TAF15: variants seen among roughly 807,000 people sequenced by gnomAD.
TAF15 encodes TATA-binding protein-associated factor 2N.
In TAF15, 37 loss-of-function variants were observed where a neutral mutation model predicts 102.5. That is an observed-to-expected ratio of 0.36 (90% confidence interval 0.28 to 0.47). TAF15 has a LOEUF of 0.47. TAF15 is among the 20% of genes least tolerant of loss of function. The probability of loss-of-function intolerance (pLI) is 0.99; values close to 1 mark genes in which losing one functional copy is unlikely to be tolerated. For missense variants in TAF15, 652 were observed against 760.7 expected (o/e 0.86, Z 1.68); for synonymous variants, 273 against 259.2 (o/e 1.05, Z -0.51).
At chr17:35,823,926 C>T in intron 6 of TAF15, 152 bp from the exon 7 acceptor site, 1 of 960,262 alleles carries the variant, frequency 1.0e-6, no homozygotes, top group Non-Finnish European at 1.6e-6. Context: ...ACATGTAATT[C>T]CAGATGATTT....
chr17:35,816,573 T>C (rs1337315497), intron 1 of TAF15: 1 of 152,198 alleles, frequency 6.6e-6, no homozygotes, highest in East Asian at 1.9e-4. Context: ...TTGAGTGAGG[T>C]TGGGCCTGAT....
chr17:35,839,370 CTTTTTTTT>C (rs562461506), intron 11 of TAF15, among the ~76,000 whole-genome samples: 6 of 52,414 alleles, frequency 1.1e-4, no homozygotes, highest in Admixed American at 5.2e-4. Context: ...AAGAAATAGA[CTTTTTTTT>C]TTTTTTTTTT....
intron 15 of TAF15, 52 bp downstream of exon 15, chr17:35,845,090 G>A: frequency 6.2e-7 from 1 of 1,608,532 alleles, no homozygotes; most frequent in Non-Finnish European, 8.5e-7. Flanking sequence ...CACCTAGATT[G>A]GGGGATTTGA....
intron 11 of TAF15, among the ~76,000 whole-genome samples, chr17:35,840,168 A>G (rs962445015): frequency 3.3e-5 from 5 of 151,178 alleles, no homozygotes; most frequent in African/African-American, 1.2e-4. Flanking sequence ...ACTATGCTGG[A>G]TTGACAAACA....
At chr17:35,831,592 T>A (rs1423209211) in intron 7 of TAF15, among the ~76,000 whole-genome samples, 2 of 152,156 alleles carry the variant, frequency 1.3e-5, no homozygotes, top group Non-Finnish European at 2.9e-5. Context: ...TGAAATTGCA[T>A]GTTTTCCATC....
chr17:35,831,604 A>G (rs910100352), intron 7 of TAF15, among the ~76,000 whole-genome samples: 1 of 152,108 alleles, frequency 6.6e-6, no homozygotes, highest in African/African-American at 2.4e-5. Context: ...TTTTCCATCC[A>G]TTGTGGCCAG....
chr17:35,810,115 A>G lies in TAF15; in HGVS notation c.7+539A>G, dbSNP rs1233503663. 7 of 196,922 alleles carry G rather than the reference A, an allele frequency of 3.6e-5. No individual in the cohort carries two copies. In the Admixed American group the frequency reaches 3.8e-4, roughly 11 times the overall value. The allele number at this position is 196,922 out of a possible 1,614,324, so 12.2% of individuals were successfully genotyped here. On this transcript the variant is annotated intron_variant, in intron 1 of 15. Coordinates refer to ENST00000605844, the MANE Select transcript of TAF15 (RefSeq NM_139215.3). ...CTTTCAAAGGACGTTGCCTTACACG[A>G]AATCGTACTTATCGTTATTCACTCT... is the stretch of plus-strand genomic sequence containing the variant.
At chr17:35,844,001 T>C (rs4251779) in intron 12 of TAF15, 76 bp from the exon 13 acceptor site, 18 of 1,294,400 alleles carry the variant, frequency 1.4e-5, no homozygotes, top group Non-Finnish European at 2.0e-5. Context: ...GTATCTACTC[T>C]TATGTTATCT....
chr17:35,810,012 T>C, intron 1 of TAF15: 1 of 306,120 alleles, frequency 3.3e-6, no homozygotes. Flanking sequence ...CGTACCTCAG[T>C]TTTCCCATCC....
At chr17:35,821,433 A>G (rs942531395) in intron 5 of TAF15, among the ~76,000 whole-genome samples, 5 of 152,202 alleles carry the variant, frequency 3.3e-5, no homozygotes, top group African/African-American at 1.2e-4. Context: ...AAGAAATGTT[A>G]AGTTTGATTT....
At chr17:35,823,608 G>A in intron 6 of TAF15, 1 of 180,856 alleles carries the variant, frequency 5.5e-6, no homozygotes, top group Admixed American at 5.6e-5. Context: ...GGGAGGCTGA[G>A]GCAGGAGAAT....
At chr17:35,809,658 C>G in intron 1 of TAF15, 82 bp downstream of exon 1, 1 of 1,597,220 alleles carries the variant, frequency 6.3e-7, no homozygotes, top group Non-Finnish European at 8.6e-7. Flanking sequence ...ACCGGAGGGC[C>G]CTGAGGAGAA....
intron 7 of TAF15, among the ~76,000 whole-genome samples, chr17:35,830,914 T>C (rs895427388): frequency 6.6e-6 from 1 of 152,204 alleles, no homozygotes; most frequent in Non-Finnish European, 1.5e-5. Context: ...CAGACCCTTA[T>C]TTTGTTAAGG....
intron 7 of TAF15, among the ~76,000 whole-genome samples, chr17:35,832,788 A>G (rs970314496): frequency 2.6e-5 from 4 of 152,206 alleles, no homozygotes; most frequent in Non-Finnish European, 5.9e-5. Flanking sequence ...GAGTTTCTTG[A>G]TAAGAGAGAC....
rs562461506 is a variant in TAF15, at chr17:35,839,370, C to CTTTTT, written c.913+842_913+846dup. Among the ~76,000 whole-genome samples the CTTTTT allele has an allele frequency of 2.8e-3, 149 of 52,420 alleles. 42 individuals are homozygous for CTTTTT. The highest frequency in any genetic ancestry group is 0.012 in the African/African-American group (136 of 11,162). The allele number at this position is 52,420 out of a possible 152,430, so 34.4% of individuals were successfully genotyped here. ...TTAATACATACTTAGAAGAAATAGA[C>CTTTTT]TTTTTTTTTTTTTTTTTTTTTTTTT... On this transcript the variant is annotated intron_variant, in intron 11 of 15. Transcript: ENST00000605844.
rs756619028 is a variant in TAF15, at chr17:35,826,724, ATT to A, written c.605+2547_605+2548del. 7.6e-3 allele frequency among the ~76,000 whole-genome samples: 970 copies of A among 127,926 alleles called. 8 individuals are homozygous for A. Among genetic ancestry groups the A allele is most frequent in the African/African-American group, 0.025 (866 of 34,394 alleles). 83.9% of individuals were successfully genotyped at this position (127,926 alleles called of 152,430 possible). A position where few individuals can be genotyped will look rare whatever the true frequency, so the allele number is the denominator to read the frequency against. On this transcript the variant is annotated intron_variant, in intron 7 of 15. Coordinates refer to ENST00000605844, the MANE Select transcript of TAF15 (RefSeq NM_139215.3). ...AGGCGTGTGCCAGCACACCCGGCTAATTTTTTTTTTTTTTTTTTTTTTAAGTA... is the reference window on the plus strand; with the variant it reads ...AGGCGTGTGCCAGCACACCCGGCTAATTTTTTTTTTTTTTTTTTTTAAGTA...
At chr17:35,846,812 C>CT in intron 15 of TAF15, 94 bp from the exon 16 acceptor site, 1 of 1,299,888 alleles carries the variant, frequency 7.7e-7, no homozygotes, top group Non-Finnish European at 1.1e-6. Context: ...AATTGTCTAG[C>CT]TGATGCCAAT....
At chr17:35,817,589 T>C in intron 1 of TAF15, 127 bp from the exon 2 acceptor site, 1 of 787,790 alleles carries the variant, frequency 1.3e-6, no homozygotes, top group Non-Finnish European at 2.1e-6. Flanking sequence ...AGTATTTAAC[T>C]TGAGTTAGTT....
chr17:35,816,971 C>T (rs1201645664), intron 1 of TAF15: 4 of 152,106 alleles, frequency 2.6e-5, no homozygotes, highest in African/African-American at 9.7e-5. Flanking sequence ...AGGCACATGC[C>T]ACCATGCCCA....
Sources: allele counts gnomAD v4.1 joint callset (sites outside exome capture counted in the v4.1 genomes callset), GRCh38; gene constraint gnomAD v4.1.1; transcripts MANE v1.5; gene names NCBI Gene and HGNC (gene_info 2026-07-23, HGNC 2026-07-21).